The following PRTG variants were observed in gnomAD, a reference collection of about 807,000 sequenced individuals.
PRTG encodes the protein immunoglobulin superfamily, DCC subclass, member 5.
In PRTG, 67 loss-of-function variants were observed where a neutral mutation model predicts 122.5. The observed-to-expected ratio is 0.55, with a 90% CI of 0.45 to 0.67. The LOEUF (loss-of-function observed/expected upper bound fraction) is 0.67. Among genes scored for constraint, PRTG ranks in the 30% least tolerant of loss-of-function variants. PRTG has a pLI of 0.00. For synonymous variants in PRTG, 554 were observed against 501.1 expected (o/e 1.11, Z -1.41); for missense variants, 1,435 against 1,415.4 (o/e 1.01, Z -0.22).
Position 55,620,380 on chromosome 15 carries a change from G to C in PRTG, c.3199-114C>G, listed in dbSNP as rs972160530. On this transcript the variant is annotated intron_variant, in intron 19 of 19. Coordinates refer to ENST00000389286, the MANE Select transcript of PRTG (RefSeq NM_173814.6). The stretch of plus-strand genomic sequence containing the variant: ...AGCACATCAGAATTACCCGTGGCAA[G>C]CGAAGTGTCAAAAGCTTCTTCAGTG... The C allele has an allele frequency of 1.5e-5, 23 of 1,506,646 alleles. No individual in the cohort carries two copies. In the South Asian group the frequency reaches 3.1e-4, roughly 21 times the overall value. 93.3% of individuals were successfully genotyped at this position (1,506,646 alleles called of 1,614,324 possible).
intron 2 of PRTG, among the ~76,000 whole-genome samples, chr15:55,694,526 A>C (rs1272769793): frequency 1.3e-5 from 2 of 152,198 alleles, no homozygotes; most frequent in Non-Finnish European, 2.9e-5. Flanking sequence ...CAATTAAAAA[A>C]ACAAATTATA....
chr15:55,667,817 G>A (rs1407817579), intron 11 of PRTG, among the ~76,000 whole-genome samples: 3 of 152,158 alleles, frequency 2.0e-5, no homozygotes, highest in Non-Finnish European at 2.9e-5. Context: ...TGGGCATGGC[G>A]GCTCACACCT....
At position 55,614,292 on chromosome 15, in the gene PRTG, C is replaced by A. The variant is rs929010068; in HGVS notation, c.*5720G>T. 2 of 152,040 alleles carry A rather than the reference C, an allele frequency of 1.3e-5. No homozygotes were observed. Among genetic ancestry groups the A allele is most frequent in the African/African-American group, 4.8e-5 (2 of 41,416 alleles). The allele number at this position is 152,040 out of a possible 1,614,324, so 9.4% of individuals were successfully genotyped here. ...TCAAATTTCCTAGGAAATGTATATACATGCTGATGGCATAAGGAGAGGCTC... is the reference window on the plus strand; with the variant it reads ...TCAAATTTCCTAGGAAATGTATATAAATGCTGATGGCATAAGGAGAGGCTC... On this transcript the variant is annotated 3_prime_UTR_variant, in exon 20 of 20. Transcript: ENST00000389286.
intron 11 of PRTG, among the ~76,000 whole-genome samples, chr15:55,669,553 G>C (rs1007465703): frequency 3.9e-5 from 6 of 152,190 alleles, no homozygotes; most frequent in African/African-American, 1.2e-4. Flanking sequence ...GCTAACACTT[G>C]CCTGCTTAGT....
chr15:55,636,935 C>T (rs1380516778), intron 15 of PRTG, among the ~76,000 whole-genome samples: 1 of 152,228 alleles, frequency 6.6e-6, no homozygotes, highest in African/African-American at 2.4e-5. Context: ...GCGTGAGCCA[C>T]TGCGCCCGGC....
At chr15:55,694,838 G>A (rs543189241) in intron 2 of PRTG, among the ~76,000 whole-genome samples, 4 of 151,988 alleles carry the variant, frequency 2.6e-5, no homozygotes, top group Admixed American at 6.6e-5. Context: ...CTTTGTTTCC[G>A]CCAGTTAGGT....
At chr15:55,699,278 T>C (rs1184465086) in intron 2 of PRTG, among the ~76,000 whole-genome samples, 1 of 152,184 alleles carries the variant, frequency 6.6e-6, no homozygotes, top group Non-Finnish European at 1.5e-5. Flanking sequence ...AATGGCTTTT[T>C]TTTGGTATTT....
intron 7 of PRTG, 68 bp downstream of exon 7, chr15:55,679,218 C>T: frequency 1.0e-5 from 10 of 989,520 alleles, no homozygotes; most frequent in African/African-American, 1.6e-5. Flanking sequence ...TTATTATAAC[C>T]ATTTCACATA....
In PRTG at chr15:55,620,094, C is replaced by A; in HGVS notation, c.3371G>T (p.Gly1124Val). The A allele has an allele frequency of 6.2e-7, 1 of 1,614,160 alleles. No individual in the cohort carries two copies. Among genetic ancestry groups the A allele is most frequent in the Non-Finnish European group, 8.5e-7 (1 of 1,180,028 alleles). The change falls in exon 20 of 20, where the codon GGG (glycine) becomes GTG (valine). Residue 1124 changes from glycine to valine, a missense_variant. Coordinates refer to ENST00000389286, the MANE Select transcript of PRTG (RefSeq NM_173814.6). ...CTCATGAGAAAACCGCCCAGAATCC[C>A]CAGTCTCATGGCTGCCTTCACTATT... is the stretch of plus-strand genomic sequence containing the variant. ...SANSEGSHET[G>V]DSGRFSHESN...
chr15:55,707,393 A>G (rs1328230305), intron 2 of PRTG, among the ~76,000 whole-genome samples: 2 of 152,254 alleles, frequency 1.3e-5, no homozygotes, highest in Non-Finnish European at 2.9e-5. Context: ...AAGCTGCTGC[A>G]TAAATGGCTT....
chr15:55,654,507 G>T (rs2059369858), intron 11 of PRTG, among the ~76,000 whole-genome samples: 1 of 152,178 alleles, frequency 6.6e-6, no homozygotes, highest in Non-Finnish European at 1.5e-5. Flanking sequence ...ATTTACAAAG[G>T]AAGTTTAAAG....
At chr15:55,729,970 C>G (rs1474271567) in intron 2 of PRTG, among the ~76,000 whole-genome samples, 3 of 152,166 alleles carry the variant, frequency 2.0e-5, no homozygotes, top group Non-Finnish European at 4.4e-5. Context: ...AATAGAAATG[C>G]ATTAGCAATT....
At position 55,643,629 on chromosome 15, in the gene PRTG, G is replaced by T. The variant is rs370544418; in HGVS notation, c.2042-2421C>A. 4.6e-5 allele frequency among the ~76,000 whole-genome samples: 7 copies of T among 151,774 alleles called. No homozygotes were observed. The East Asian group carries it at 1.4e-3, about 30-fold the overall frequency. On this transcript the variant is annotated intron_variant, in intron 11 of 19. Transcript: ENST00000389286. ...TGTAGAGACAAGGACTCAACATATTGCCCAGGCTGGTGTCCAACTCCTGCA... is the reference window on the plus strand; with the variant it reads ...TGTAGAGACAAGGACTCAACATATTTCCCAGGCTGGTGTCCAACTCCTGCA...
At chr15:55,660,149 T>C (rs2059402078) in intron 11 of PRTG, among the ~76,000 whole-genome samples, 1 of 152,168 alleles carries the variant, frequency 6.6e-6, no homozygotes, top group African/African-American at 2.4e-5. Context: ...CAAGATAAAA[T>C]ATTTTCCTCC....
chr15:55,652,172 C>T (rs888142250), intron 11 of PRTG, among the ~76,000 whole-genome samples: 5 of 152,146 alleles, frequency 3.3e-5, no homozygotes, highest in East Asian at 1.9e-4. Flanking sequence ...ACAATTAACA[C>T]AGCTTCAAAG....
intron 2 of PRTG, among the ~76,000 whole-genome samples, chr15:55,701,518 A>G (rs1162754313): frequency 6.6e-6 from 1 of 152,210 alleles, no homozygotes; most frequent in Non-Finnish European, 1.5e-5. Context: ...TGGATGACAG[A>G]GTGAGACTCC....
chr15:55,706,011 C>G (rs1350540406), intron 2 of PRTG, among the ~76,000 whole-genome samples: 2 of 44,202 alleles, frequency 4.5e-5, no homozygotes, highest in Non-Finnish European at 9.4e-5. Flanking sequence ...CCATGCCCAG[C>G]TAATTTTTTT....
At chr15:55,723,474 G>A (rs1040604543) in intron 2 of PRTG, among the ~76,000 whole-genome samples, 2 of 150,484 alleles carry the variant, frequency 1.3e-5, no homozygotes, top group Non-Finnish European at 2.9e-5. Flanking sequence ...ATTATGGGAA[G>A]CCCAGAAGGG....
chr15:55,642,533 G>A (rs576735443), intron 11 of PRTG, among the ~76,000 whole-genome samples: 139 of 147,924 alleles, frequency 9.4e-4, no homozygotes, highest in Middle Eastern at 3.7e-3. Flanking sequence ...CAGGAGAATC[G>A]CTTGCAGTGA....
Sources: allele counts gnomAD v4.1 joint callset (sites outside exome capture counted in the v4.1 genomes callset), GRCh38; gene constraint gnomAD v4.1.1; transcripts MANE v1.5; gene names NCBI Gene and HGNC (gene_info 2026-07-23, HGNC 2026-07-21).